CDKAL1: variants seen among roughly 807,000 people sequenced by gnomAD.
CDKAL1 encodes CDKAL1 threonylcarbamoyladenosine tRNA methylthiotransferase, also known as threonylcarbamoyladenosine tRNA methylthiotransferase.
A neutral mutation model predicts 68.2 loss-of-function variants in CDKAL1; 32 were observed. That is an observed-to-expected ratio of 0.47 (90% CI 0.35 to 0.63). CDKAL1 has a LOEUF of 0.63. CDKAL1 is among the 30% of genes least tolerant of loss of function. CDKAL1 has a pLI of 0.00. For synonymous variants in CDKAL1, 234 were observed against 244.3 expected (o/e 0.96, Z 0.39); for missense variants, 606 against 696.7 (o/e 0.87, Z 1.47).
intron 11 of CDKAL1, among the ~76,000 whole-genome samples, chr6:21,010,672 G>C (rs1181644576): frequency 2.0e-5 from 3 of 152,130 alleles, no homozygotes; most frequent in Non-Finnish European, 4.4e-5. Context: ...GAATGTTCTA[G>C]TCGACTTTGC....
intron 13 of CDKAL1, among the ~76,000 whole-genome samples, chr6:21,148,937 T>C (rs1776291884): frequency 6.6e-6 from 1 of 152,184 alleles, no homozygotes; most frequent in African/African-American, 2.4e-5. Flanking sequence ...AAAGTCTTAT[T>C]ATACTAGGAT....
chr6:20,601,447 A>C (rs573578451), intron 4 of CDKAL1, among the ~76,000 whole-genome samples: 18 of 152,274 alleles, frequency 1.2e-4, no homozygotes, highest in African/African-American at 4.3e-4. Context: ...TCTTGTGGGC[A>C]TGGGAATGGT....
At chr6:21,037,568 A>G (rs1769660334) in intron 11 of CDKAL1, among the ~76,000 whole-genome samples, 1 of 152,212 alleles carries the variant, frequency 6.6e-6, no homozygotes, top group South Asian at 2.1e-4. Flanking sequence ...AATATTCTAT[A>G]TCTGTGCTGT....
At chr6:20,713,883 TG>T (rs1771961776) in intron 5 of CDKAL1, among the ~76,000 whole-genome samples, 1 of 152,152 alleles carries the variant, frequency 6.6e-6, no homozygotes, top group African/African-American at 2.4e-5. Context: ...AAAAATCAAA[TG>T]TGAGACATAT....
intron 4 of CDKAL1, among the ~76,000 whole-genome samples, chr6:20,552,517 GT>G (rs1297671157): frequency 2.0e-5 from 3 of 151,748 alleles, no homozygotes; most frequent in African/African-American, 7.2e-5. Context: ...GTCCTGGTAT[GT>G]TTATACAAGA....
At chr6:20,551,011 G>A (rs1763801033) in intron 4 of CDKAL1, among the ~76,000 whole-genome samples, 1 of 151,752 alleles carries the variant, frequency 6.6e-6, no homozygotes, top group South Asian at 2.1e-4. Context: ...GACTTCAGGT[G>A]CCCGCCACCA....
chr6:21,210,869 A>G (rs1299607857), intron 15 of CDKAL1, among the ~76,000 whole-genome samples: 2 of 152,182 alleles, frequency 1.3e-5, no homozygotes, highest in Admixed American at 6.5e-5. Context: ...TCCAGAAACA[A>G]CACCCAGAAC....
intron 4 of CDKAL1, among the ~76,000 whole-genome samples, chr6:20,601,978 C>T (rs1026240283): frequency 9.9e-5 from 15 of 152,078 alleles, no homozygotes; most frequent in Admixed American, 9.2e-4. Context: ...GTTTATTTCA[C>T]GATTCTGCTG....
intron 15 of CDKAL1, among the ~76,000 whole-genome samples, chr6:21,217,111 A>G (rs141831964): frequency 3.0e-4 from 45 of 151,948 alleles, no homozygotes; most frequent in Admixed American, 2.7e-3. Flanking sequence ...TTTAACTTGT[A>G]TTTCTCTAAT....
intron 11 of CDKAL1, among the ~76,000 whole-genome samples, chr6:21,045,674 TC>T (rs1770185864): frequency 6.6e-6 from 1 of 152,186 alleles, no homozygotes; most frequent in Non-Finnish European, 1.5e-5. Context: ...GAGTCAGAGA[TC>T]CTAATCCCAG....
chr6:20,913,540 C>G (rs1362044151), intron 9 of CDKAL1, among the ~76,000 whole-genome samples: 1 of 152,198 alleles, frequency 6.6e-6, no homozygotes, highest in African/African-American at 2.4e-5. Context: ...AAACACACCC[C>G]ACTTCTGCAG....
At chr6:21,014,612 T>TA (rs34834774) in intron 11 of CDKAL1, among the ~76,000 whole-genome samples, 2,549 of 126,678 alleles carry the variant, frequency 0.02, 55 homozygotes, top group African/African-American at 0.064. Flanking sequence ...CTCCGTCTCA[T>TA]AAAAAAAAAA....
intron 8 of CDKAL1, among the ~76,000 whole-genome samples, chr6:20,811,389 C>T (rs9465900): frequency 0.29 from 43,337 of 151,982 alleles, 6,697 homozygotes; most frequent in East Asian, 0.53. Context: ...CTGACTCAGC[C>T]CTGGCGAATG....
At chr6:20,831,177 C>T (rs1397503938) in intron 8 of CDKAL1, among the ~76,000 whole-genome samples, 1 of 151,998 alleles carries the variant, frequency 6.6e-6, no homozygotes, top group Non-Finnish European at 1.5e-5. Flanking sequence ...TTTTTGCCAA[C>T]GAGAAGTGTG....
At chr6:20,873,571 C>T (rs775533485) in intron 9 of CDKAL1, among the ~76,000 whole-genome samples, 12 of 152,040 alleles carry the variant, frequency 7.9e-5, no homozygotes, top group Non-Finnish European at 1.3e-4. Flanking sequence ...AGCCAGGAAG[C>T]GGTAGTTCTG....
intron 8 of CDKAL1, among the ~76,000 whole-genome samples, chr6:20,843,203 AC>A (rs1222099887): frequency 1.3e-5 from 2 of 152,144 alleles, no homozygotes; most frequent in Non-Finnish European, 2.9e-5. Flanking sequence ...ACATTAACCT[AC>A]CAGTAGCCAA....
chr6:20,841,887 G>T (rs553804753), intron 8 of CDKAL1, among the ~76,000 whole-genome samples: 1 of 152,342 alleles, frequency 6.6e-6, no homozygotes, highest in East Asian at 1.9e-4. Flanking sequence ...AGATTAGTAG[G>T]TATTGTGTGC....
chr6:20,624,672 T>C (rs1185871321), intron 4 of CDKAL1, among the ~76,000 whole-genome samples: 1 of 151,478 alleles, frequency 6.6e-6, no homozygotes, highest in Non-Finnish European at 1.5e-5. Context: ...TTGACGAGAG[T>C]AGTGGGAAAA....
intron 12 of CDKAL1, among the ~76,000 whole-genome samples, chr6:21,070,932 G>A (rs1015352396): frequency 1.3e-5 from 2 of 152,168 alleles, no homozygotes; most frequent in Non-Finnish European, 2.9e-5. Context: ...TTCAGTCACC[G>A]TCTGCATCTC....
Sources: gnomAD v4.1 joint callset for allele counts (sites outside exome capture counted in the v4.1 genomes callset) on GRCh38, gnomAD v4.1.1 for gene constraint, MANE v1.5 for transcripts, NCBI Gene and HGNC (gene_info 2026-07-23, HGNC 2026-07-21) for gene names.